The following CYP2B6 variants were observed in gnomAD, a reference collection of about 807,000 sequenced individuals.
CYP2B6 encodes cytochrome P450 family 2 subfamily B member 6, also known as cytochrome P450 2B6.
Under a neutral mutation model 43.4 loss-of-function variants are expected in CYP2B6, and 35 were observed. That is an observed-to-expected ratio of 0.81 (90% confidence interval 0.62 to 1.07). CYP2B6 has a LOEUF of 1.07. Among genes scored for constraint, CYP2B6 ranks in the 50% least tolerant of loss-of-function variants. The pLI is 0.00. For synonymous variants in CYP2B6, 239 were observed against 239.2 expected (o/e 1.00, Z 0.01); for missense variants, 624 against 632.8 (o/e 0.99, Z 0.15).
chr19:41,011,820 G>T (rs1252377152), intron 6 of CYP2B6, among the ~76,000 whole-genome samples: 1 of 152,090 alleles, frequency 6.6e-6, no homozygotes, highest in Non-Finnish European at 1.5e-5. Context: ...GAGAATTCTT[G>T]TTGCTTCCTC....
At chr19:41,002,776 T>C (rs1418488971) in intron 1 of CYP2B6, among the ~76,000 whole-genome samples, 2 of 152,086 alleles carry the variant, frequency 1.3e-5, no homozygotes, top group Non-Finnish European at 2.9e-5. Context: ...CTCAAACTCC[T>C]GACCTCGTGA....
In CYP2B6 at chr19:41,004,059, T is replaced by C. The variant is rs1969136179; in HGVS notation, c.230T>C (p.Met77Thr). 1 of 1,613,766 alleles carries C rather than the reference T, an allele frequency of 6.2e-7. No homozygotes were observed. Among genetic ancestry groups the C allele is most frequent in the African/African-American group, 1.3e-5 (1 of 74,778 alleles). The change falls in exon 2 of 9, where the codon ATG becomes ACG. Residue 77 changes from methionine (M) to threonine (T), a missense_variant. Met to Thr is a moderately conservative substitution (Grantham distance 81). Coordinates refer to ENST00000324071, the MANE Select transcript of CYP2B6 (RefSeq NM_000767.5). ...CACCTGGGACCGAGGCCCGTGGTCA[T>C]GCTGTGTGGAGTAGAGGCCATACGG... ...TVHLGPRPVV[M>T]LCGVEAIREA...
rs142336051 is a variant in CYP2B6, at chr19:41,006,924, C to T, written c.504C>T (p.Thr168=). ...RKSKGALMDP[T]FLFQSITANI... ...TCCTAGGGGCCCTCATGGACCCCAC[C>T]TTCCTCTTCCAGTCCATTACCGCCA... The change falls in exon 4 of 9, where the codon ACC becomes ACT. Residue 168 remains threonine (T), a synonymous_variant. Transcript: ENST00000324071. The T allele has an allele frequency of 3.1e-6, 5 of 1,613,744 alleles. No homozygotes were observed. The highest frequency in any genetic ancestry group is 1.3e-5 in the African/African-American group (1 of 74,820).
At chr19:41,003,508 C>G (rs1216695300) in intron 1 of CYP2B6, among the ~76,000 whole-genome samples, 1 of 152,136 alleles carries the variant, frequency 6.6e-6, no homozygotes, top group Non-Finnish European at 1.5e-5. Flanking sequence ...GTAACTGAAA[C>G]TGCAAAAAGC....
At chr19:40,995,136 A>G (rs1223398076) in intron 1 of CYP2B6, among the ~76,000 whole-genome samples, 1 of 152,190 alleles carries the variant, frequency 6.6e-6, no homozygotes, top group East Asian at 1.9e-4. Context: ...AAGGGTTAGG[A>G]CAGCAAGAAA....
intron 1 of CYP2B6, among the ~76,000 whole-genome samples, chr19:40,993,475 G>T (rs928825090): frequency 2.0e-5 from 3 of 152,132 alleles, no homozygotes; most frequent in Non-Finnish European, 4.4e-5. Flanking sequence ...AAAAGAGAGA[G>T]AGCCAAGGGG....
chr19:41,017,108 T>C lies in CYP2B6; in HGVS notation c.*281T>C, dbSNP rs1969383267. 2 of 236,826 alleles carry C rather than the reference T, an allele frequency of 8.4e-6. No individual in the cohort carries two copies. Among genetic ancestry groups the C allele is most frequent in the African/African-American group, 2.3e-5 (1 of 44,262 alleles). The allele number at this position is 236,826 out of a possible 1,614,324, so 14.7% of individuals were successfully genotyped here. On this transcript the variant is annotated 3_prime_UTR_variant, in exon 9 of 9. Coordinates refer to ENST00000324071, the MANE Select transcript of CYP2B6 (RefSeq NM_000767.5). ...CCCAGGCTGGAGTGCAGTGGCGTGATCTCGGCTCACTGCAACCTCCACCCC... is the reference window on the plus strand; with the variant it reads ...CCCAGGCTGGAGTGCAGTGGCGTGACCTCGGCTCACTGCAACCTCCACCCC...
chr19:41,011,136 T>C (rs1969277256), intron 6 of CYP2B6, among the ~76,000 whole-genome samples: 1 of 152,222 alleles, frequency 6.6e-6, no homozygotes, highest in Non-Finnish European at 1.5e-5. Flanking sequence ...CATTCATTCA[T>C]GCATTCATCC....
At chr19:40,997,664 T>C in intron 1 of CYP2B6, among the ~76,000 whole-genome samples, 1 of 152,162 alleles carries the variant, frequency 6.6e-6, no homozygotes, top group Non-Finnish European at 1.5e-5. Flanking sequence ...AGTTAGACAC[T>C]GTCACTTTAC....
Position 41,006,595 on chromosome 19 carries a change from T to G in CYP2B6, c.485-310T>G, listed in dbSNP as rs28399486. On this transcript the variant is annotated intron_variant, in intron 3 of 8. Transcript: ENST00000324071. ...GAGTGAGAACCGGCTGCATGGACTCTATAGCTGTGTTGCCTGGGTCTAAAT... is the reference window on the plus strand; with the variant it reads ...GAGTGAGAACCGGCTGCATGGACTCGATAGCTGTGTTGCCTGGGTCTAAAT... Among the ~76,000 whole-genome samples the G allele has an allele frequency of 9.4e-3, 1,436 of 152,054 alleles. 11 individuals carry two copies. Among genetic ancestry groups the G allele is most frequent in the South Asian group, 0.032 (153 of 4,798 alleles).
At position 41,004,555 on chromosome 19, in the gene CYP2B6, C is replaced by T. The variant is rs192903015; in HGVS notation, c.484+109C>T. The T allele has an allele frequency of 1.5e-4, 197 of 1,276,344 alleles. 1 individual carries two copies. In the African/African-American group the frequency reaches 2.0e-3, roughly 13 times the overall value. 79.1% of individuals were successfully genotyped at this position (1,276,344 alleles called of 1,614,324 possible). A position where few individuals can be genotyped will look rare whatever the true frequency, so the allele number is the denominator to read the frequency against. On this transcript the variant is annotated intron_variant, in intron 3 of 8. Transcript: ENST00000324071. ...ATATAAGGGCACAGACAGAGACAGA[C>T]GAAACTGGAGACACCATCAGACAGA...
intron 1 of CYP2B6, among the ~76,000 whole-genome samples, chr19:40,992,342 T>C (rs886562093): frequency 6.6e-6 from 1 of 152,064 alleles, no homozygotes; most frequent in African/African-American, 2.4e-5. Context: ...GACCAAAACC[T>C]TGGGCATCAA....
chr19:40,995,527 T>C (rs1398902205), intron 1 of CYP2B6, among the ~76,000 whole-genome samples: 1 of 152,206 alleles, frequency 6.6e-6, no homozygotes, highest in Non-Finnish European at 1.5e-5. Context: ...AAAGGTCTGG[T>C]TGTCATCAAC....
At chr19:40,993,508 C>T (rs995160587) in intron 1 of CYP2B6, among the ~76,000 whole-genome samples, 2 of 152,114 alleles carry the variant, frequency 1.3e-5, no homozygotes, top group Non-Finnish European at 2.9e-5. Context: ...ATAAAACCAT[C>T]AGATCTTGTG....
At chr19:41,013,082 A>G in intron 8 of CYP2B6, 1 of 471,202 alleles carries the variant, frequency 2.1e-6, no homozygotes, top group East Asian at 4.3e-5. Flanking sequence ...CTTAAAAAGA[A>G]AAAATCTGTT....
chr19:41,011,354 T>A (rs144187439), intron 6 of CYP2B6, among the ~76,000 whole-genome samples: 202 of 152,348 alleles, frequency 1.3e-3, no homozygotes, highest in African/African-American at 4.7e-3. Context: ...CTTCCATAAA[T>A]CTAGCCATTC....
In CYP2B6 at chr19:41,012,468, G is replaced by T. The variant is rs1372646601; in HGVS notation, c.1135G>T (p.Gly379Trp). 21 of 1,613,938 alleles carry T rather than the reference G, an allele frequency of 1.3e-5. No homozygotes were observed. The highest frequency in any genetic ancestry group is 1.8e-5 in the Non-Finnish European group (21 of 1,179,978). ...HIVTQHTSFR[G>W]YIIPKDTEVF... Reference sequence around the variant, plus strand: ...TGTCACCCAACACACCAGCTTCCGAGGGTACATCATCCCCAAGGTAAGACC... The same window carrying T: ...TGTCACCCAACACACCAGCTTCCGATGGTACATCATCCCCAAGGTAAGACC... Residue 379 changes from glycine (G) to tryptophan (W), a missense_variant, in exon 7 of 9, where the codon GGG (glycine) becomes TGG (tryptophan). Gly to Trp is a radical substitution (Grantham distance 184). Coordinates refer to ENST00000324071, the MANE Select transcript of CYP2B6 (RefSeq NM_000767.5).
rs8109848 is a variant in CYP2B6, at chr19:41,016,164, G to T, written c.1295-482G>T. ...CTGTAATCCCACTTTGGGAGGCCAAGGCAGGTGGATTATCTGAGGTCAGGA... is the reference window on the plus strand; with the variant it reads ...CTGTAATCCCACTTTGGGAGGCCAATGCAGGTGGATTATCTGAGGTCAGGA... On this transcript the variant is annotated intron_variant, in intron 8 of 8. Transcript: ENST00000324071. Among the ~76,000 whole-genome samples, 8 of 151,994 alleles carry T rather than the reference G, an allele frequency of 5.3e-5. No individual in the cohort carries two copies. The South Asian group carries it at 1.5e-3, about 28-fold the overall frequency.
At chr19:41,003,564 G>A (rs1460330934) in intron 1 of CYP2B6, among the ~76,000 whole-genome samples, 4 of 152,146 alleles carry the variant, frequency 2.6e-5, no homozygotes, top group South Asian at 2.1e-4. Flanking sequence ...GATATTCATC[G>A]TATTTTATCA....
Sources: gnomAD v4.1 joint callset for allele counts (sites outside exome capture counted in the v4.1 genomes callset) on GRCh38, gnomAD v4.1.1 for gene constraint, MANE v1.5 for transcripts, NCBI Gene and HGNC (gene_info 2026-07-23, HGNC 2026-07-21) for gene names.